Variants in CDH13 observed in about 807,000 individuals in gnomAD.
CDH13 encodes the protein cadherin 13.
A neutral mutation model predicts 63.8 loss-of-function variants in CDH13; 24 were observed. That is an observed-to-expected ratio of 0.38 (90% CI 0.27 to 0.53). The LOEUF is 0.53. Ranked by LOEUF, CDH13 falls within the 20% of genes least tolerant of loss-of-function variation. The probability of loss-of-function intolerance (pLI) is 0.85; values close to 1 mark genes in which losing one functional copy is unlikely to be tolerated. For synonymous variants in CDH13, 503 were observed against 355.3 expected (o/e 1.42, Z -4.67); for missense variants, 1,049 against 903.1 (o/e 1.16, Z -2.07).
At position 83,323,235 on chromosome 16, in the gene CDH13, T is replaced by C. The variant is rs199811048; in HGVS notation, c.637-21627T>C. Among the ~76,000 whole-genome samples the C allele has an allele frequency of 6.2e-4, 87 of 140,954 alleles. No homozygotes were observed. In the East Asian group the frequency reaches 9.0e-3, roughly 15 times the overall value. 92.5% of individuals were successfully genotyped at this position (140,954 alleles called of 152,430 possible). A position where few individuals can be genotyped will look rare whatever the true frequency, so the allele number is the denominator to read the frequency against. On this transcript the variant is annotated intron_variant, in intron 5 of 13. Transcript: ENST00000567109. ...CTTTCTTTCTTTCTTTCTTTCTTTC[T>C]TTCTTTCCTTCCTTCCTTCTTTCCA...
intron 10 of CDH13, among the ~76,000 whole-genome samples, chr16:83,729,747 A>G (rs1405479237): frequency 6.6e-6 from 1 of 152,218 alleles, no homozygotes; most frequent in East Asian, 1.9e-4. Context: ...AGTGCTCAAT[A>G]AATATTATCT....
intron 4 of CDH13, among the ~76,000 whole-genome samples, chr16:83,126,833 G>C (rs1265057278): frequency 6.6e-6 from 1 of 152,148 alleles, no homozygotes; most frequent in East Asian, 1.9e-4. Context: ...CTTTGGACTG[G>C]GTGTGAAGAA....
chr16:82,690,210 G>T lies in CDH13; in HGVS notation c.45+63073G>T, dbSNP rs530016767. On this transcript the variant is annotated intron_variant, in intron 1 of 13. Transcript: ENST00000567109. Reference sequence around the variant, plus strand: ...AATCTTCTCATGACCCCGGGTGGGTGGCTGGGGTGGGGTTGGTGGAGGGAA... The same window carrying T: ...AATCTTCTCATGACCCCGGGTGGGTTGCTGGGGTGGGGTTGGTGGAGGGAA... 5.7e-3 allele frequency among the ~76,000 whole-genome samples: 865 copies of T among 151,180 alleles called. 6 individuals are homozygous for T. Among genetic ancestry groups the T allele is most frequent in the Non-Finnish European group, 9.7e-3 (656 of 67,806 alleles).
At chr16:83,563,978 C>G (rs973775624) in intron 7 of CDH13, among the ~76,000 whole-genome samples, 1 of 152,176 alleles carries the variant, frequency 6.6e-6, no homozygotes, top group African/African-American at 2.4e-5. Context: ...GCCTGTATGA[C>G]TGGGATAAAC....
At chr16:83,314,677 G>C (rs1337313365) in intron 5 of CDH13, among the ~76,000 whole-genome samples, 1 of 152,116 alleles carries the variant, frequency 6.6e-6, no homozygotes, top group African/African-American at 2.4e-5. Flanking sequence ...TGGCGGTGTT[G>C]GACTTAATGA....
intron 7 of CDH13, among the ~76,000 whole-genome samples, chr16:83,511,189 C>T (rs184526026): frequency 9.2e-5 from 14 of 152,332 alleles, no homozygotes; most frequent in Admixed American, 5.9e-4. Flanking sequence ...TGGCCGGGTG[C>T]GGTGGCTCAC....
At chr16:82,901,435 A>G (rs1158543897) in intron 2 of CDH13, among the ~76,000 whole-genome samples, 2 of 150,926 alleles carry the variant, frequency 1.3e-5, no homozygotes, top group Non-Finnish European at 2.9e-5. Flanking sequence ...TTTTTCATCT[A>G]GGAGACCTGA....
intron 7 of CDH13, among the ~76,000 whole-genome samples, chr16:83,576,866 A>T (rs1301661705): frequency 6.6e-6 from 1 of 152,204 alleles, no homozygotes; most frequent in African/African-American, 2.4e-5. Flanking sequence ...GTAGAGTTAT[A>T]AATGTTGCCT....
intron 10 of CDH13, among the ~76,000 whole-genome samples, chr16:83,737,626 A>C (rs1911660639): frequency 6.6e-6 from 1 of 152,154 alleles, no homozygotes; most frequent in African/African-American, 2.4e-5. Context: ...TCAGAGTTTA[A>C]ATCATTATTC....
chr16:83,053,957 A>G (rs2030656199), intron 3 of CDH13, among the ~76,000 whole-genome samples: 1 of 152,164 alleles, frequency 6.6e-6, no homozygotes, highest in African/African-American at 2.4e-5. Context: ...TGTGATGGTG[A>G]TCTCATAAAA....
At chr16:83,650,122 C>A (rs1219235345) in intron 8 of CDH13, among the ~76,000 whole-genome samples, 2 of 152,172 alleles carry the variant, frequency 1.3e-5, no homozygotes, top group African/African-American at 4.8e-5. Context: ...TTGACCCTGG[C>A]TGTAAGACCA....
intron 8 of CDH13, among the ~76,000 whole-genome samples, chr16:83,607,371 G>A (rs1164834036): frequency 6.6e-6 from 1 of 151,888 alleles, no homozygotes; most frequent in Non-Finnish European, 1.5e-5. Context: ...AGTGAGCTGA[G>A]ATCACACCAG....
At chr16:83,157,536 G>C (rs2037256049) in intron 4 of CDH13, among the ~76,000 whole-genome samples, 1 of 152,166 alleles carries the variant, frequency 6.6e-6, no homozygotes, top group Admixed American at 6.5e-5. Context: ...AAGGGAACTA[G>C]AGCTTTCTTT....
intron 3 of CDH13, among the ~76,000 whole-genome samples, chr16:83,063,227 G>A (rs1029727875): frequency 9.2e-5 from 14 of 152,156 alleles, no homozygotes; most frequent in African/African-American, 3.4e-4. Flanking sequence ...CTCCCAAAGT[G>A]CTGGAATTAC....
chr16:83,730,221 T>C (rs1910886874), intron 10 of CDH13, among the ~76,000 whole-genome samples: 1 of 152,208 alleles, frequency 6.6e-6, no homozygotes, highest in African/African-American at 2.4e-5. Flanking sequence ...GCCAAATAAG[T>C]CTGAGCTATG....
At chr16:82,705,158 A>G in intron 1 of CDH13, 1 of 456,008 alleles carries the variant, frequency 2.2e-6, no homozygotes, top group African/African-American at 2.0e-5. Flanking sequence ...CAAAGGCAAA[A>G]GGATCCAGGT....
At chr16:83,482,518 A>C (rs1051369468) in intron 6 of CDH13, among the ~76,000 whole-genome samples, 1 of 152,174 alleles carries the variant, frequency 6.6e-6, no homozygotes, top group Non-Finnish European at 1.5e-5. Context: ...TTCTCGACTG[A>C]ATCTATGGAG....
intron 10 of CDH13, among the ~76,000 whole-genome samples, chr16:83,705,073 T>C (rs1210042177): frequency 6.6e-6 from 1 of 152,258 alleles, no homozygotes; most frequent in East Asian, 1.9e-4. Flanking sequence ...TTTCTATATA[T>C]TGACTTCATT....
chr16:82,782,420 C>T (rs555796819), intron 1 of CDH13, among the ~76,000 whole-genome samples: 1 of 152,074 alleles, frequency 6.6e-6, no homozygotes, highest in East Asian at 1.9e-4. Context: ...ATTAGCCAGG[C>T]AAGTGCCTGT....
Sources: gnomAD v4.1 joint callset for allele counts (sites outside exome capture counted in the v4.1 genomes callset) on GRCh38, gnomAD v4.1.1 for gene constraint, MANE v1.5 for transcripts, NCBI Gene and HGNC (gene_info 2026-07-23, HGNC 2026-07-21) for gene names.